The following CA10 variants were observed in gnomAD, a reference collection of about 807,000 sequenced individuals.
The protein encoded by CA10 is carbonic anhydrase 10 (inactive).
In CA10, 14 loss-of-function variants were observed where a neutral mutation model predicts 44.2. The ratio of observed to expected loss-of-function variants is 0.32; its 90% CI spans 0.21 to 0.50. The LOEUF (loss-of-function observed/expected upper bound fraction) is 0.50, where lower values mean the gene tolerates loss of function less well. Ranked by LOEUF, CA10 falls within the 20% of genes least tolerant of loss-of-function variation. CA10 has a pLI of 0.99. For missense variants in CA10, 350 were observed against 409.7 expected (o/e 0.85, Z 1.26); for synonymous variants, 159 against 141.6 (o/e 1.12, Z -0.87).
chr17:51,947,979 C>A (rs1263646741), intron 2 of CA10, among the ~76,000 whole-genome samples: 1 of 152,108 alleles, frequency 6.6e-6, no homozygotes, highest in Non-Finnish European at 1.5e-5. Flanking sequence ...ACCCACATAT[C>A]TAGATTCATT....
Position 51,858,559 on chromosome 17 carries a change from C to T in CA10, c.279+72431G>A, listed in dbSNP as rs140770666. Among the ~76,000 whole-genome samples, 70 of 152,274 alleles carry T rather than the reference C, an allele frequency of 4.6e-4. No homozygotes were observed. In the East Asian group the frequency reaches 0.013, roughly 29 times the overall value. The stretch of plus-strand genomic sequence containing the variant: ...TAAAAGTTGTTTACAAGGGCAAAGC[C>T]GTAGTTCTGAAAGCTGGCTTTAAGA... On this transcript the variant is annotated intron_variant, in intron 3 of 8. Coordinates refer to ENST00000451037, the MANE Select transcript of CA10 (RefSeq NM_020178.5).
At chr17:52,052,663 G>A (rs1274986463) in intron 2 of CA10, among the ~76,000 whole-genome samples, 1 of 152,070 alleles carries the variant, frequency 6.6e-6, no homozygotes, top group Admixed American at 6.6e-5. Context: ...CTAGGACTGA[G>A]AATAAGCTCC....
In CA10 at chr17:52,037,029, T is replaced by C. The variant is rs1310753950; in HGVS notation, c.136+35290A>G. ...GGCATTCTAAGGTCTCCATTATAAT[T>C]GAAGGAGGAGAGAATGATTAAGACA... is the stretch of plus-strand genomic sequence containing the variant. On this transcript the variant is annotated intron_variant, in intron 2 of 8. Transcript: ENST00000451037. Among the ~76,000 whole-genome samples the C allele has an allele frequency of 2.6e-5, 4 of 151,992 alleles. No homozygotes were observed. The East Asian group carries it at 5.8e-4, about 22-fold the overall frequency.
At chr17:51,972,624 T>C (rs1022089747) in intron 2 of CA10, among the ~76,000 whole-genome samples, 1 of 152,098 alleles carries the variant, frequency 6.6e-6, no homozygotes, top group African/African-American at 2.4e-5. Context: ...TACTGGGTGA[T>C]CAAAAAGAGG....
At chr17:52,030,886 T>C (rs1986445540) in intron 2 of CA10, among the ~76,000 whole-genome samples, 1 of 152,100 alleles carries the variant, frequency 6.6e-6, no homozygotes, top group African/African-American at 2.4e-5. Context: ...GGAATGGGGA[T>C]TGTCATAAGC....
Position 51,986,876 on chromosome 17 carries a change from T to C in CA10, c.137-55744A>G, listed in dbSNP as rs148226064. Among the ~76,000 whole-genome samples, 181 of 152,124 alleles carry C rather than the reference T, an allele frequency of 1.2e-3. 5 individuals carry two copies. The South Asian group carries it at 0.022, about 18-fold the overall frequency. ...AAAAAAGTAGATATCGGCATGGATG[T>C]GCTGAACAGGGAACACTTCTACACT... is the stretch of plus-strand genomic sequence containing the variant. On this transcript the variant is annotated intron_variant, in intron 2 of 8. Transcript: ENST00000451037.
intron 3 of CA10, among the ~76,000 whole-genome samples, chr17:51,887,940 G>T (rs1393973654): frequency 1.3e-5 from 2 of 151,994 alleles, no homozygotes; most frequent in Non-Finnish European, 2.9e-5. Flanking sequence ...GCAAAGAATT[G>T]CTTGAACCCA....
intron 4 of CA10, among the ~76,000 whole-genome samples, chr17:51,695,482 C>T (rs979410374): frequency 1.3e-5 from 2 of 151,994 alleles, no homozygotes; most frequent in Non-Finnish European, 2.9e-5. Context: ...TGAATGTTAT[C>T]GGTGTATAGA....
chr17:51,945,964 C>A (rs1005539352), intron 2 of CA10, among the ~76,000 whole-genome samples: 4 of 152,102 alleles, frequency 2.6e-5, no homozygotes, highest in Non-Finnish European at 5.9e-5. Context: ...GGGCTATGAC[C>A]AAACCATCCT....
chr17:51,993,021 A>G (rs1985098603), intron 2 of CA10, among the ~76,000 whole-genome samples: 1 of 152,146 alleles, frequency 6.6e-6, no homozygotes, highest in African/African-American at 2.4e-5. Context: ...TCCCCCATAC[A>G]CTAATTAAAC....
At chr17:52,074,888 G>C (rs1987777915) in intron 1 of CA10, among the ~76,000 whole-genome samples, 1 of 151,912 alleles carries the variant, frequency 6.6e-6, no homozygotes, top group African/African-American at 2.4e-5. Flanking sequence ...GAAAAAAAAG[G>C]GTTGAAAAAA....
intron 3 of CA10, among the ~76,000 whole-genome samples, chr17:51,892,094 A>C (rs1806140427): frequency 6.6e-6 from 1 of 152,214 alleles, no homozygotes; most frequent in Admixed American, 6.5e-5. Context: ...CTGCTTGATG[A>C]TTAATTTGGC....
chr17:52,088,800 A>G (rs1472441461), intron 1 of CA10, among the ~76,000 whole-genome samples: 3 of 152,222 alleles, frequency 2.0e-5, no homozygotes, highest in Non-Finnish European at 4.4e-5. Flanking sequence ...AGAAATGAAA[A>G]GAAAAAAACC....
chr17:52,056,221 T>C (rs899711953), intron 2 of CA10, among the ~76,000 whole-genome samples: 18 of 151,850 alleles, frequency 1.2e-4, no homozygotes, highest in Non-Finnish European at 1.5e-4. Context: ...GACTCACTGG[T>C]GATTGGTGAT....
chr17:51,695,875 G>A (rs978174475), intron 4 of CA10, among the ~76,000 whole-genome samples: 7 of 152,044 alleles, frequency 4.6e-5, no homozygotes, highest in African/African-American at 1.4e-4. Flanking sequence ...TTATCACTTA[G>A]GGATGTTGGA....
In CA10 at chr17:51,983,483, A is replaced by G. The variant is rs1462897899; in HGVS notation, c.137-52351T>C. On this transcript the variant is annotated intron_variant, in intron 2 of 8. Coordinates refer to ENST00000451037, the MANE Select transcript of CA10 (RefSeq NM_020178.5). ...ACCTCTTCTGTCTCTTGAATGCAAT[A>G]ATATACTCTACTTAAATAACTCTGA... Among the ~76,000 whole-genome samples the G allele has an allele frequency of 8.6e-5, 13 of 151,664 alleles. No homozygotes were observed. In the South Asian group the frequency reaches 1.0e-3, roughly 12 times the overall value.
chr17:52,155,429 T>C (rs16951063), intron 1 of CA10, among the ~76,000 whole-genome samples: 6,749 of 152,266 alleles, frequency 0.044, 211 homozygotes, highest in South Asian at 0.074. Context: ...CCTTAGTGCA[T>C]TGCATTTCCT....
At chr17:51,779,269 T>G (rs991601112) in intron 3 of CA10, among the ~76,000 whole-genome samples, 4 of 152,154 alleles carry the variant, frequency 2.6e-5, no homozygotes, top group African/African-American at 9.7e-5. Context: ...TCTTCCCAGA[T>G]GGAATTCTGG....
intron 3 of CA10, among the ~76,000 whole-genome samples, chr17:51,922,248 T>TA (rs1982262840): frequency 6.6e-6 from 1 of 152,168 alleles, no homozygotes; most frequent in African/African-American, 2.4e-5. Context: ...AACCCTTTGT[T>TA]TAGTAATCAA....
Sources: gnomAD v4.1 joint callset for allele counts (sites outside exome capture counted in the v4.1 genomes callset) on GRCh38, gnomAD v4.1.1 for gene constraint, MANE v1.5 for transcripts, NCBI Gene and HGNC (gene_info 2026-07-23, HGNC 2026-07-21) for gene names.